KCNJ5: variants seen among roughly 807,000 people sequenced by gnomAD.
KCNJ5 encodes G protein-activated inward rectifier potassium channel 4.
In KCNJ5, 12 loss-of-function variants were observed where a neutral mutation model predicts 20.2. That is an observed-to-expected ratio of 0.59 (90% confidence interval 0.38 to 0.96). The LOEUF (loss-of-function observed/expected upper bound fraction) is 0.96. KCNJ5 is among the 40% of genes least tolerant of loss of function. The pLI is 0.00. For synonymous variants in KCNJ5, 210 were observed against 213.9 expected (o/e 0.98, Z 0.16); for missense variants, 449 against 557.6 (o/e 0.81, Z 1.96).
At chr11:128,899,397 C>T (rs1196865318) in intron 1 of KCNJ5, among the ~76,000 whole-genome samples, 1 of 152,186 alleles carries the variant, frequency 6.6e-6, no homozygotes, top group African/African-American at 2.4e-5. Context: ...CATTTACCAT[C>T]CCTCACCATC....
chr11:128,895,391 C>CA lies in KCNJ5; in HGVS notation c.-11+3670_-11+3671insA, dbSNP rs896162043. Among the ~76,000 whole-genome samples, 18 of 149,842 alleles carry CA rather than the reference C, an allele frequency of 1.2e-4. 1 individual carries two copies. The highest frequency in any genetic ancestry group is 4.2e-4 in the African/African-American group (17 of 40,962). Reference sequence around the variant, plus strand: ...CTTAGAGTGTGCCCCCACCCCCCCCCCAACCCCAGGGATGACTGCACTGCT... The same window carrying CA: ...CTTAGAGTGTGCCCCCACCCCCCCCCACAACCCCAGGGATGACTGCACTGCT... On this transcript the variant is annotated intron_variant, in intron 1 of 2. Transcript: ENST00000529694.
chr11:128,911,351 A>C lies in KCNJ5; in HGVS notation c.78A>C (p.Pro26=). The part of the protein sequence containing the change: ...GVTPWDPKKI[P]KQARDYVPIA... The stretch of plus-strand genomic sequence containing the variant: ...CTCCCTGGGACCCCAAGAAGATTCC[A>C]AAACAGGCCCGCGATTATGTCCCCA... The change falls in exon 2 of 3, where the codon CCA becomes CCC. Residue 26 remains proline (P), a synonymous_variant. Coordinates refer to ENST00000529694, the MANE Select transcript of KCNJ5 (RefSeq NM_000890.5). The surrounding 1 kb of genome is among the most constrained non-coding windows in gnomAD (Gnocchi z 6.3). 6.2e-7 allele frequency: 1 copy of C among 1,614,202 alleles called. No individual in the cohort carries two copies. Among genetic ancestry groups the C allele is most frequent in the Non-Finnish European group, 8.5e-7 (1 of 1,180,042 alleles).
rs1472726332 is a variant in KCNJ5, at chr11:128,911,972, C to T, written c.699C>T (p.Ser233=). 1 of 1,601,602 alleles carries T rather than the reference C, an allele frequency of 6.2e-7. No homozygotes were observed. Among genetic ancestry groups the T allele is most frequent in the Non-Finnish European group, 8.5e-7 (1 of 1,172,104 alleles). ...DLRNSHIVEA[S]IRAKLIKSRQ... ...GCAACTCCCACATCGTGGAGGCCTCCATCCGGGCCAAGCTCATCAAGTCCC... is the reference window on the plus strand; with the variant it reads ...GCAACTCCCACATCGTGGAGGCCTCTATCCGGGCCAAGCTCATCAAGTCCC... Residue 233 remains serine (S), a synonymous_variant, in exon 2 of 3, where the codon TCC becomes TCT. Transcript: ENST00000529694. This position sits in a 1 kb window ranked among gnomAD's most constrained non-coding sequence, Gnocchi z 6.3.
In KCNJ5 at chr11:128,891,439, C is replaced by CAGAGAGAGAGAGAA. The variant is rs886048000; in HGVS notation, c.-292_-291insGAGAGAGAGAGAAA. The stretch of plus-strand genomic sequence containing the variant: ...ACACACACACACACACACACACACA[C>CAGAGAGAGAGAGAA]ACAGAGAGAGAGAGAGAGAGAGAGA... On this transcript the variant is annotated 5_prime_UTR_variant, in exon 1 of 3. Transcript: ENST00000529694. 1 of 68,776 alleles carries CAGAGAGAGAGAGAA rather than the reference C, an allele frequency of 1.5e-5. No homozygotes were observed. Among genetic ancestry groups the CAGAGAGAGAGAGAA allele is most frequent in the East Asian group, 4.1e-4 (1 of 2,432 alleles). 4.3% of individuals were successfully genotyped at this position (68,776 alleles called of 1,614,324 possible). A position where few individuals can be genotyped will look rare whatever the true frequency, so the allele number is the denominator to read the frequency against.
rs1944633264 is a variant in KCNJ5 at position 128,919,169 on chromosome 11, G to A, written c.*2438G>A. 2 of 152,408 alleles carry A rather than the reference G, an allele frequency of 1.3e-5. No homozygotes were observed. Among genetic ancestry groups the A allele is most frequent in the African/African-American group, 2.4e-5 (1 of 41,448 alleles). The allele number at this position is 152,408 out of a possible 1,614,324, so 9.4% of individuals were successfully genotyped here. A position where few individuals can be genotyped will look rare whatever the true frequency, so the allele number is the denominator to read the frequency against. On this transcript the variant is annotated 3_prime_UTR_variant, in exon 3 of 3. Coordinates refer to ENST00000529694, the MANE Select transcript of KCNJ5 (RefSeq NM_000890.5). ...TAGAGCTCATGGGGGTCAACTAAGC[G>A]AGGGAGGGAAGGCGAAGGCAAAGCT...
chr11:128,908,346 C>A (rs1252823042), intron 1 of KCNJ5, among the ~76,000 whole-genome samples: 1 of 152,168 alleles, frequency 6.6e-6, no homozygotes, highest in Admixed American at 6.6e-5. Flanking sequence ...GGATTTATAG[C>A]AGAGTAAACT....
At chr11:128,896,112 T>A (rs1944173237) in intron 1 of KCNJ5, among the ~76,000 whole-genome samples, 1 of 152,150 alleles carries the variant, frequency 6.6e-6, no homozygotes, top group African/African-American at 2.4e-5. Context: ...TTTTTTCCCC[T>A]CCATTTTTGT....
chr11:128,913,566 C>T (rs1416776556), intron 2 of KCNJ5, among the ~76,000 whole-genome samples: 1 of 83,788 alleles, frequency 1.2e-5, no homozygotes, highest in African/African-American at 5.4e-5. Context: ...TCGTGCCTTC[C>T]TTTCTCTCTC....
chr11:128,904,599 G>GGAAACCCCAGACCTACAGAATCAGAACCC, intron 1 of KCNJ5: 1 of 824,950 alleles, frequency 1.2e-6, no homozygotes, highest in Non-Finnish European at 2.2e-6. Context: ...CGCGGACTCT[G>GGAAACCCCAGACCTACAGAATCAGAACCC]GAAACCCCAG....
At chr11:128,907,271 C>T (rs372925314) in intron 1 of KCNJ5, among the ~76,000 whole-genome samples, 11 of 152,210 alleles carry the variant, frequency 7.2e-5, no homozygotes, top group Non-Finnish European at 1.2e-4. Context: ...TGTGAAAAGA[C>T]TCCCAAGCCA....
chr11:128,915,196 C>T (rs1181415912), intron 2 of KCNJ5, among the ~76,000 whole-genome samples: 17 of 152,230 alleles, frequency 1.1e-4, no homozygotes, highest in Non-Finnish European at 2.2e-4. Context: ...TTTCCTGTGA[C>T]CCTAAGCACA....
At chr11:128,900,611 G>A (rs1944259609) in intron 1 of KCNJ5, 1 of 152,232 alleles carries the variant, frequency 6.6e-6, no homozygotes, top group Non-Finnish European at 1.5e-5. Flanking sequence ...TGTGCAGCCA[G>A]AAGCCAGGGC....
chr11:128,904,559 G>A (rs143711749), intron 1 of KCNJ5: 2 of 1,110,322 alleles, frequency 1.8e-6, no homozygotes, highest in Admixed American at 1.7e-5. Context: ...GACCAGCCGC[G>A]TCAACATCAC....
intron 1 of KCNJ5, chr11:128,902,684 G>A (rs1944309858): frequency 6.2e-7 from 1 of 1,613,196 alleles, no homozygotes; most frequent in African/African-American, 1.3e-5. Flanking sequence ...TTGTTGTCCT[G>A]AGGACTGACA....
chr11:128,907,306 G>C (rs1944435231), intron 1 of KCNJ5, among the ~76,000 whole-genome samples: 1 of 152,110 alleles, frequency 6.6e-6, no homozygotes, highest in Non-Finnish European at 1.5e-5. Context: ...AAGCCCTGCT[G>C]ACCCCCAAGC....
chr11:128,898,872 G>A (rs895317272), intron 1 of KCNJ5, among the ~76,000 whole-genome samples: 1 of 152,158 alleles, frequency 6.6e-6, no homozygotes, highest in African/African-American at 2.4e-5. Context: ...TAGAGATGGA[G>A]TTTCACCATG....
At chr11:128,913,551 C>A (rs922168845) in intron 2 of KCNJ5, among the ~76,000 whole-genome samples, 4 of 146,702 alleles carry the variant, frequency 2.7e-5, no homozygotes, top group Admixed American at 7.0e-5. Context: ...TATTTCATTT[C>A]TTCCTCGTGC....
At chr11:128,909,412 A>C (rs1446746601) in intron 1 of KCNJ5, among the ~76,000 whole-genome samples, 4 of 152,240 alleles carry the variant, frequency 2.6e-5, no homozygotes, top group Admixed American at 2.6e-4. Context: ...GAAATCACCA[A>C]GTTCCAAAGC....
rs78200968 is a variant in KCNJ5 at position 128,910,587 on chromosome 11, T to A, written c.-10-677T>A. 7.6e-3 allele frequency among the ~76,000 whole-genome samples: 1,154 copies of A among 152,326 alleles called. 13 individuals carry two copies. The highest frequency in any genetic ancestry group is 0.026 in the African/African-American group (1,084 of 41,564). ...GGCCAGATGAGCAGGAATCCAAAAA[T>A]CAGCTCTGCCTGATATTTGGTGGCC... On this transcript the variant is annotated intron_variant, in intron 1 of 2. Transcript: ENST00000529694.
Sources: gnomAD v4.1 joint callset for allele counts (sites outside exome capture counted in the v4.1 genomes callset) on GRCh38, gnomAD v4.1.1 for gene constraint, Gnocchi (gnomAD v3.1) non-coding constraint, MANE v1.5 for transcripts, NCBI Gene and HGNC (gene_info 2026-07-23, HGNC 2026-07-21) for gene names.